The following URAD variants were observed in gnomAD, a reference collection of about 807,000 sequenced individuals.
URAD encodes putative 2-oxo-4-hydroxy-4-carboxy-5-ureidoimidazoline decarboxylase.
URAD carries 4 observed loss-of-function variants against 4.6 expected under a neutral mutation model. That is an observed-to-expected ratio of 0.87 (90% CI 0.43 to 1.98). The LOEUF is 1.98. Ranked by LOEUF, URAD falls within the 30% of genes most tolerant of loss-of-function variation. URAD has a pLI of 0.03. For synonymous variants in URAD, 144 were observed against 118.2 expected (o/e 1.22, Z -1.41); for missense variants, 300 against 255.3 (o/e 1.18, Z -1.19).
chr13:27,984,194 T>C (rs1011964291), intron 1 of URAD, among the ~76,000 whole-genome samples: 9 of 152,180 alleles, frequency 5.9e-5, no homozygotes, highest in African/African-American at 2.2e-4. Flanking sequence ...ATTACAGGTG[T>C]GATTCACCAT....
chr13:27,983,752 C>T (rs9581957), intron 1 of URAD, among the ~76,000 whole-genome samples: 36,454 of 152,160 alleles, frequency 0.24, 5,448 homozygotes, highest in Admixed American at 0.36. Context: ...AAGGCAAGGA[C>T]TTGTCTTGGT....
At position 27,978,118 on chromosome 13, in the gene URAD, G is replaced by C; in HGVS notation, c.510C>G (p.Pro170=). Residue 170 remains proline (P), a synonymous_variant, in exon 2 of 2, where the codon CCC becomes CCG. Coordinates refer to ENST00000332715, the MANE Select transcript of URAD (RefSeq NM_001105577.2). ...LRLADLLRAD[P]AKL ...GCCCGCGCGGCAGCTACAGCTTGGCGGGGTCTGCGCGGAGGAGGTCGGCCA... is the reference window on the plus strand; with the variant it reads ...GCCCGCGCGGCAGCTACAGCTTGGCCGGGTCTGCGCGGAGGAGGTCGGCCA... The C allele has an allele frequency of 6.6e-7, 1 of 1,518,296 alleles. No individual in the cohort carries two copies. Among genetic ancestry groups the C allele is most frequent in the East Asian group, 2.7e-5 (1 of 36,538 alleles). 94.1% of individuals were successfully genotyped at this position (1,518,296 alleles called of 1,614,324 possible). A position where few individuals can be genotyped will look rare whatever the true frequency, so the allele number is the denominator to read the frequency against.
chr13:27,981,025 TCTC>T (rs1479485278), intron 1 of URAD, among the ~76,000 whole-genome samples: 1,263 of 70,352 alleles, frequency 0.018, 7 homozygotes, highest in Admixed American at 0.029. Context: ...TCTCTCTCTC[TCTC>T]CTCTCTCTCT....
At chr13:27,981,019 TC>T (rs1566041991) in intron 1 of URAD, among the ~76,000 whole-genome samples, 28 of 116,954 alleles carry the variant, frequency 2.4e-4, no homozygotes, top group Admixed American at 2.4e-3. Flanking sequence ...TCTCTCTCTC[TC>T]TCTCTCTCCT....
chr13:27,988,482 A>G lies in URAD; in HGVS notation c.156T>C (p.Ile52=). ...CCTTACCTGACTGTGCAAGGGCATCAATAAAGGCAAAAAAGTGCTTCTCTA... is the reference window on the plus strand; with the variant it reads ...CCTTACCTGACTGTGCAAGGGCATCGATAAAGGCAAAAAAGTGCTTCTCTA... ...EDLEKHFFAF[I]DALAQSGQEG... is the part of the protein sequence containing the mutation. Residue 52 remains isoleucine, a synonymous_variant, in exon 1 of 2, where the codon ATT becomes ATC. Coordinates refer to ENST00000332715, the MANE Select transcript of URAD (RefSeq NM_001105577.2). The G allele has an allele frequency of 6.2e-7, 1 of 1,612,188 alleles. No homozygotes were observed. Among genetic ancestry groups the G allele is most frequent in the African/African-American group, 1.3e-5 (1 of 75,010 alleles).
intron 1 of URAD, among the ~76,000 whole-genome samples, chr13:27,986,746 G>A (rs1229863916): frequency 6.6e-6 from 1 of 152,108 alleles, no homozygotes; most frequent in Non-Finnish European, 1.5e-5. Context: ...TTCCAGTGAG[G>A]CTGTCATTTT....
intron 1 of URAD, among the ~76,000 whole-genome samples, chr13:27,979,687 G>A (rs1869819499): frequency 6.6e-6 from 1 of 152,194 alleles, no homozygotes; most frequent in Admixed American, 6.5e-5. Context: ...TGTTGGAAAA[G>A]GCGCGCACGT....
intron 1 of URAD, 49 bp from the exon 2 acceptor site, chr13:27,978,501 C>G: frequency 2.4e-6 from 3 of 1,248,826 alleles, no homozygotes; most frequent in Non-Finnish European, 3.0e-6. Context: ...CGCGCCCGTC[C>G]CGCACCGCGC....
chr13:27,982,387 C>G (rs139399293), intron 1 of URAD, among the ~76,000 whole-genome samples: 466 of 152,292 alleles, frequency 3.1e-3, no homozygotes, highest in Middle Eastern at 0.01. Flanking sequence ...CGCCACTGCA[C>G]TCCAACTTGG....
intron 1 of URAD, among the ~76,000 whole-genome samples, chr13:27,984,050 C>T (rs1869949204): frequency 6.6e-6 from 1 of 152,008 alleles, no homozygotes; most frequent in Non-Finnish European, 1.5e-5. Flanking sequence ...CACAGAGATG[C>T]ACTTTGTTTT....
Position 27,988,618 on chromosome 13 carries a change from T to C in URAD, c.20A>G (p.Asn7Ser), listed in dbSNP as rs762601122. 3 of 1,608,644 alleles carry C rather than the reference T, an allele frequency of 1.9e-6. No homozygotes were observed. Among genetic ancestry groups the C allele is most frequent in the Non-Finnish European group, 2.5e-6 (3 of 1,177,452 alleles). Residue 7 changes from asparagine to serine, a missense_variant, in exon 1 of 2, where the codon AAC (asparagine) becomes AGC (serine). Physicochemically the swap from Asn to Ser is conservative, Grantham distance 46. Coordinates refer to ENST00000332715, the MANE Select transcript of URAD (RefSeq NM_001105577.2). MDIEKVNSMDLGEFVDV... is the reference protein window; with the variant it reads MDIEKVSSMDLGEFVDV... ...CACGAATTCTCCAAGGTCCATGGAGTTGACCTTCTCAATGTCCATTCCTTG... is the reference window on the plus strand; with the variant it reads ...CACGAATTCTCCAAGGTCCATGGAGCTGACCTTCTCAATGTCCATTCCTTG...
chr13:27,980,671 G>T (rs1333150071), intron 1 of URAD, among the ~76,000 whole-genome samples: 1 of 152,208 alleles, frequency 6.6e-6, no homozygotes, highest in East Asian at 1.9e-4. Flanking sequence ...GTGGTCACTG[G>T]TGGGAGGTCC....
chr13:27,983,735 C>A (rs548685045), intron 1 of URAD, among the ~76,000 whole-genome samples: 1 of 152,242 alleles, frequency 6.6e-6, no homozygotes, highest in East Asian at 1.9e-4. Context: ...AGAATGTAAG[C>A]TCATTTAAGG....
rs570142267 is a variant in URAD at position 27,988,379 on chromosome 13, A to G, written c.175+84T>C. 8.7e-6 allele frequency: 12 copies of G among 1,385,018 alleles called. No homozygotes were observed. In the East Asian group the frequency reaches 2.9e-4, roughly 33 times the overall value. 85.8% of individuals were successfully genotyped at this position (1,385,018 alleles called of 1,614,324 possible). ...AGTGCTGGGATTACAGGTGTGAGCC[A>G]CCATTCCTGGCCAGTATCTAAAAAT... is the stretch of plus-strand genomic sequence containing the variant. On this transcript the variant is annotated intron_variant, in intron 1 of 1. Coordinates refer to ENST00000332715, the MANE Select transcript of URAD (RefSeq NM_001105577.2).
chr13:27,981,028 C>T (rs371337821), intron 1 of URAD, among the ~76,000 whole-genome samples: 4 of 117,216 alleles, frequency 3.4e-5, no homozygotes, highest in South Asian at 2.3e-4. Flanking sequence ...CTCTCTCTCT[C>T]CTCTCTCTCT....
chr13:27,978,610 C>CGGT (rs1476199382), intron 1 of URAD, among the ~76,000 whole-genome samples, 158 bp from the exon 2 acceptor site: 1 of 152,196 alleles, frequency 6.6e-6, no homozygotes, highest in East Asian at 1.9e-4. Flanking sequence ...AGTACCCAGG[C>CGGT]GGTGATGTCC....
At chr13:27,982,675 A>C (rs1296534846) in intron 1 of URAD, among the ~76,000 whole-genome samples, 1 of 152,166 alleles carries the variant, frequency 6.6e-6, no homozygotes, top group Non-Finnish European at 1.5e-5. Context: ...GCAACTGAGC[A>C]GTCAGCATTT....
intron 1 of URAD, 46 bp downstream of exon 1, chr13:27,988,417 A>C (rs1486274840): frequency 1.3e-6 from 2 of 1,526,790 alleles, no homozygotes; most frequent in Non-Finnish European, 8.8e-7. Context: ...TTTAACAAGC[A>C]TATTTGAAAT....
chr13:27,980,900 AC>A (rs1566041949), intron 1 of URAD, among the ~76,000 whole-genome samples: 1 of 151,892 alleles, frequency 6.6e-6, no homozygotes, highest in African/African-American at 2.4e-5. Flanking sequence ...CGAGTTTTCC[AC>A]TCTTGCAGCG....
Sources: allele counts gnomAD v4.1 joint callset (sites outside exome capture counted in the v4.1 genomes callset), GRCh38; gene constraint gnomAD v4.1.1; transcripts MANE v1.5; gene names NCBI Gene and HGNC (gene_info 2026-07-23, HGNC 2026-07-21).